TMTC2: variants seen among roughly 807,000 people sequenced by gnomAD.
TMTC2 encodes the protein protein O-mannosyl-transferase TMTC2.
TMTC2 carries 43 observed loss-of-function variants against 82.4 expected under a neutral mutation model. That is an observed-to-expected ratio of 0.52 (90% CI 0.41 to 0.67). The LOEUF (loss-of-function observed/expected upper bound fraction) is 0.67, where lower values mean the gene tolerates loss of function less well. TMTC2 is among the 30% of genes least tolerant of loss of function. The probability of loss-of-function intolerance (pLI) is 0.00; values close to 1 mark genes in which losing one functional copy is unlikely to be tolerated. For missense variants in TMTC2, 919 were observed against 1,012.4 expected, an observed-to-expected ratio of 0.91 and a Z score of 1.25; for synonymous variants, 408 against 381.9, an observed-to-expected ratio of 1.07 and a Z score of -0.80.
At chr12:82,696,470 A>G (rs140066972) in intron 1 of TMTC2, among the ~76,000 whole-genome samples, 5 of 152,270 alleles carry the variant, frequency 3.3e-5, no homozygotes, top group African/African-American at 1.2e-4. Flanking sequence ...AAAATCTTTT[A>G]AAGATACCAG....
chr12:83,111,867 G>A (rs1884611131), intron 11 of TMTC2, among the ~76,000 whole-genome samples: 1 of 151,774 alleles, frequency 6.6e-6, no homozygotes, highest in Non-Finnish European at 1.5e-5. Context: ...AGAACCACAG[G>A]AGAGACACCA....
chr12:82,764,517 A>G (rs973340205), intron 1 of TMTC2, among the ~76,000 whole-genome samples: 1 of 152,114 alleles, frequency 6.6e-6, no homozygotes, highest in African/African-American at 2.4e-5. Flanking sequence ...CTCTCTCACA[A>G]AATCCAACAG....
At position 82,896,569 on chromosome 12, in the gene TMTC2, A is replaced by G. The variant is rs541413548; in HGVS notation, c.1406A>G (p.Lys469Arg). 27 of 1,614,172 alleles carry G rather than the reference A, an allele frequency of 1.7e-5. No homozygotes were observed. The South Asian group carries it at 2.9e-4, about 17-fold the overall frequency. Residue 469 changes from lysine (K) to arginine (R), a missense_variant, in exon 3 of 12, where the codon AAG (lysine) becomes AGG (arginine). Lys to Arg is a conservative substitution (Grantham distance 26). Transcript: ENST00000321196. Reference protein sequence around the residue: ...TATLIVFYGLKTAIRNGDWQN... With the variant: ...TATLIVFYGLRTAIRNGDWQN... ...ACACTAATTGTTTTTTATGGACTCA[A>G]GACTGCGATCAGGAATGGAGACTGG...
intron 8 of TMTC2, among the ~76,000 whole-genome samples, chr12:82,990,776 G>C (rs1344342540): frequency 6.6e-6 from 1 of 151,972 alleles, no homozygotes; most frequent in Non-Finnish European, 1.5e-5. Context: ...TTATTTAAGG[G>C]CTGGGGACAT....
At chr12:82,730,743 T>G (rs2136939879) in intron 1 of TMTC2, among the ~76,000 whole-genome samples, 1 of 152,346 alleles carries the variant, frequency 6.6e-6, no homozygotes, top group South Asian at 2.1e-4. Flanking sequence ...AAGAAAGTTG[T>G]GGCCGTACAT....
At chr12:83,017,813 GAA>G (rs5799609) in intron 8 of TMTC2, among the ~76,000 whole-genome samples, 106 of 142,524 alleles carry the variant, frequency 7.4e-4, no homozygotes, top group South Asian at 1.3e-3. Flanking sequence ...ATTTATAACT[GAA>G]AAAAAAAAAA....
chr12:82,901,923 A>G (rs61931369), intron 3 of TMTC2, among the ~76,000 whole-genome samples: 4,395 of 152,084 alleles, frequency 0.029, 82 homozygotes, highest in Non-Finnish European at 0.045. Flanking sequence ...ATGGGGGAGG[A>G]AAAATGTTCT....
intron 4 of TMTC2, among the ~76,000 whole-genome samples, chr12:82,932,625 C>T (rs1460554885): frequency 6.6e-6 from 1 of 151,960 alleles, no homozygotes; most frequent in Non-Finnish European, 1.5e-5. Flanking sequence ...AATGTATTCA[C>T]ACATATGTTC....
chr12:83,089,852 A>C (rs895849051), intron 11 of TMTC2, among the ~76,000 whole-genome samples: 83 of 136,140 alleles, frequency 6.1e-4, no homozygotes, highest in African/African-American at 2.0e-3. Context: ...AAAAACAAAA[A>C]AAAAAAAACT....
chr12:82,958,094 G>A (rs998136962), intron 4 of TMTC2, among the ~76,000 whole-genome samples: 2 of 151,928 alleles, frequency 1.3e-5, no homozygotes, highest in African/African-American at 2.4e-5. Flanking sequence ...TGGGCACAAC[G>A]GCTCATGCCT....
At chr12:82,961,869 T>C (rs1402377684) in intron 4 of TMTC2, among the ~76,000 whole-genome samples, 1 of 152,098 alleles carries the variant, frequency 6.6e-6, no homozygotes, top group East Asian at 1.9e-4. Flanking sequence ...GCAGCATCCA[T>C]TCTTGGGCAT....
At chr12:83,014,352 T>G (rs1880582147) in intron 8 of TMTC2, among the ~76,000 whole-genome samples, 1 of 151,928 alleles carries the variant, frequency 6.6e-6, no homozygotes, top group Admixed American at 6.6e-5. Context: ...GGTTTTTGTT[T>G]TGTTTTGAGA....
intron 1 of TMTC2, among the ~76,000 whole-genome samples, chr12:82,699,478 C>T (rs775162220): frequency 6.6e-6 from 1 of 152,148 alleles, no homozygotes; most frequent in Non-Finnish European, 1.5e-5. Flanking sequence ...ACTGGGTACT[C>T]ATGGTCTCTC....
At chr12:82,766,199 G>C (rs1475584455) in intron 1 of TMTC2, among the ~76,000 whole-genome samples, 1 of 152,204 alleles carries the variant, frequency 6.6e-6, no homozygotes, top group East Asian at 1.9e-4. Flanking sequence ...GGCAGAGTAT[G>C]CTTCAAATTT....
intron 1 of TMTC2, among the ~76,000 whole-genome samples, chr12:82,772,016 C>T (rs1877340686): frequency 2.6e-5 from 4 of 152,178 alleles, no homozygotes; most frequent in Non-Finnish European, 5.9e-5. Flanking sequence ...ACATCTCCCT[C>T]TGCTGCTGTC....
intron 1 of TMTC2, among the ~76,000 whole-genome samples, chr12:82,817,098 G>A (rs1868785909): frequency 6.6e-6 from 1 of 151,330 alleles, no homozygotes; most frequent in East Asian, 1.9e-4. Context: ...CTCCCAAGTA[G>A]CTGGGATTAT....
chr12:83,032,079 C>G (rs570752037), intron 9 of TMTC2, among the ~76,000 whole-genome samples: 1 of 151,770 alleles, frequency 6.6e-6, no homozygotes, highest in Non-Finnish European at 1.5e-5. Context: ...CCTCAACTGT[C>G]CATGAATGTC....
chr12:82,802,162 C>T (rs1040043980), intron 1 of TMTC2, among the ~76,000 whole-genome samples: 1 of 152,148 alleles, frequency 6.6e-6, no homozygotes, highest in African/African-American at 2.4e-5. Flanking sequence ...GAGCCCTGCC[C>T]CGTGGGGAGG....
intron 2 of TMTC2, among the ~76,000 whole-genome samples, chr12:82,895,602 A>C (rs922537158): frequency 6.6e-6 from 1 of 152,182 alleles, no homozygotes; most frequent in African/African-American, 2.4e-5. Context: ...ATAATCAAAA[A>C]ATATATACAA....
Sources: allele counts gnomAD v4.1 joint callset (sites outside exome capture counted in the v4.1 genomes callset), GRCh38; gene constraint gnomAD v4.1.1; transcripts MANE v1.5; gene names NCBI Gene and HGNC (gene_info 2026-07-23, HGNC 2026-07-21).